PRSS57: variants seen among roughly 807,000 people sequenced by gnomAD.
PRSS57 encodes neutrophil serine protease 4.
A neutral mutation model predicts 20.6 loss-of-function variants in PRSS57; 19 were observed. The observed-to-expected ratio is 0.92, with a 90% confidence interval of 0.64 to 1.35. PRSS57 has a LOEUF of 1.35. Ranked by LOEUF, PRSS57 falls within the 40% of genes most tolerant of loss-of-function variation. The pLI, the probability that PRSS57 is intolerant of heterozygous loss-of-function variation, is 0.00. For missense variants in PRSS57, 440 were observed against 403.7 expected, an observed-to-expected ratio of 1.09 and a Z score of -0.77; for synonymous variants, 203 against 176.6, an observed-to-expected ratio of 1.15 and a Z score of -1.19.
Position 688,344 on chromosome 19 carries a change from C to CTT in PRSS57, c.379-1158_379-1157dup, listed in dbSNP as rs370305351. On this transcript the variant is annotated intron_variant, in intron 3 of 4. Coordinates refer to ENST00000329267, the MANE Select transcript of PRSS57 (RefSeq NM_001308209.2). The stretch of plus-strand genomic sequence containing the variant: ...TGGCTACTGGCACTTGCTCCTCCTC[C>CTT]TTTTTTTTTTGTTTTTTTCAGAGTC... Among the ~76,000 whole-genome samples the CTT allele has an allele frequency of 1.7e-3, 241 of 143,480 alleles. 5 individuals carry two copies. Among genetic ancestry groups the CTT allele is most frequent in the African/African-American group, 3.2e-3 (121 of 38,350 alleles). 94.1% of individuals were successfully genotyped at this position (143,480 alleles called of 152,430 possible).
At chr19:689,869 A>G (rs756181443) in intron 3 of PRSS57, among the ~76,000 whole-genome samples, 1 of 152,204 alleles carries the variant, frequency 6.6e-6, no homozygotes, top group Non-Finnish European at 1.5e-5. Context: ...CCTGGCCAAC[A>G]TGGTGAAATC....
intron 3 of PRSS57, among the ~76,000 whole-genome samples, chr19:689,081 A>G (rs1206331472): frequency 4.2e-5 from 6 of 142,312 alleles, no homozygotes; most frequent in Non-Finnish European, 9.2e-5. Flanking sequence ...TCCAGGGGTT[A>G]GCAGGTGACA....
At chr19:689,065 G>A (rs975465705) in intron 3 of PRSS57, among the ~76,000 whole-genome samples, 2 of 151,338 alleles carry the variant, frequency 1.3e-5, no homozygotes, top group Admixed American at 1.3e-4. Flanking sequence ...ATGAGGAAGC[G>A]GGTGGTCCAG....
chr19:694,809 C>A lies in PRSS57; in HGVS notation c.233+5G>T. ...AGAAAGAAGGGGCCCGACAGGTGAG[C>A]TCACCTGTGGCTGAAGCAGTGGGCG... On this transcript the variant is annotated splice_donor_5th_base_variant and intron_variant, in intron 2 of 4. Coordinates refer to ENST00000329267, the MANE Select transcript of PRSS57 (RefSeq NM_001308209.2). 1 of 1,604,920 alleles carries A rather than the reference C, an allele frequency of 6.2e-7. No individual in the cohort carries two copies. The highest frequency in any genetic ancestry group is 8.5e-7 in the Non-Finnish European group (1 of 1,176,526).
At chr19:686,862 AC>A (rs768848382) in intron 4 of PRSS57, 62 bp downstream of exon 4, 11 of 1,557,440 alleles carry the variant, frequency 7.1e-6, no homozygotes, top group Non-Finnish European at 8.7e-6. Context: ...CCTGGCCCTG[AC>A]CCTCTCTGTG....
rs759462336 is a variant in PRSS57 at position 694,959 on chromosome 19, C to T, written c.88G>A (p.Gly30Arg). The stretch of plus-strand genomic sequence containing the variant: ...TCGTGGCCCCCGATGATCTGGGCCC[C>T]CCAGGAGCCTGCTGGAGGGACGGCC... ...MLPVKPPGSWGAQIIGGHEVT... is the reference protein window; with the variant it reads ...MLPVKPPGSWRAQIIGGHEVT... Residue 30 changes from glycine to arginine, a missense_variant, in exon 2 of 5, where the codon GGG becomes AGG. Physicochemically the swap from Gly to Arg is moderately radical, Grantham distance 125. Transcript: ENST00000329267. 2.6e-6 allele frequency: 4 copies of T among 1,548,114 alleles called. No homozygotes were observed. Among genetic ancestry groups the T allele is most frequent in the Non-Finnish European group, 3.5e-6 (4 of 1,148,198 alleles).
At chr19:689,657 G>T (rs564576481) in intron 3 of PRSS57, among the ~76,000 whole-genome samples, 13 of 152,308 alleles carry the variant, frequency 8.5e-5, no homozygotes, top group African/African-American at 2.9e-4. Context: ...AGCAGCTCAG[G>T]TTTGTAATCC....
At chr19:690,817 G>C in intron 3 of PRSS57, 1 of 329,266 alleles carries the variant, frequency 3.0e-6, no homozygotes, top group South Asian at 3.0e-5. Flanking sequence ...GAGGCTACTG[G>C]GGGAACAAGA....
Position 685,841 on chromosome 19 carries a change from TG to T in PRSS57, c.723del (p.Lys242ArgfsTer94). ...ACCTGCGTGTACACGTCGGGGGTCT[TG>T]GGGTCGCCGCACCAGAGGCCCGAGA... is the stretch of plus-strand genomic sequence containing the variant. ...VSFSGLWCGD[P>X]KTPDVYTQVS... On this transcript the variant is annotated frameshift_variant, in exon 5 of 5. Coordinates refer to ENST00000329267, the MANE Select transcript of PRSS57 (RefSeq NM_001308209.2). LOFTEE classifies it low-confidence loss of function (END_TRUNC). 6.4e-7 allele frequency: 1 copy of T among 1,559,948 alleles called. No homozygotes were observed. Among genetic ancestry groups the T allele is most frequent in the Admixed American group, 1.9e-5 (1 of 52,528 alleles).
Position 695,379 on chromosome 19 carries a change from C to A in PRSS57, c.52G>T (p.Ala18Ser). 6 of 1,282,414 alleles carry A rather than the reference C, an allele frequency of 4.7e-6. No individual in the cohort carries two copies. The highest frequency in any genetic ancestry group is 5.9e-6 in the Non-Finnish European group (6 of 1,009,666). 79.4% of individuals were successfully genotyped at this position (1,282,414 alleles called of 1,614,324 possible). The change falls in exon 1 of 5, where the codon GCC becomes TCC. Residue 18 changes from alanine (A) to serine (S), a missense_variant. By Grantham distance (99) the Ala-to-Ser change is moderately conservative. Coordinates refer to ENST00000329267, the MANE Select transcript of PRSS57 (RefSeq NM_001308209.2). ...WGRPLLTVATALMLPVKPPGS... is the reference protein window; with the variant it reads ...WGRPLLTVATSLMLPVKPPGS... ...GGGGGCTTCACGGGCAGCATCAGGGCGGTGGCCACAGTCAGCAGAGGACGT... is the reference window on the plus strand; with the variant it reads ...GGGGGCTTCACGGGCAGCATCAGGGAGGTGGCCACAGTCAGCAGAGGACGT...
intron 3 of PRSS57, among the ~76,000 whole-genome samples, chr19:690,162 T>G (rs2031600835): frequency 6.6e-6 from 1 of 151,262 alleles, no homozygotes; most frequent in East Asian, 1.9e-4. Context: ...AATACAAAAA[T>G]TAGCCGGGCG....
At chr19:691,674 A>G (rs1242955443) in intron 3 of PRSS57, among the ~76,000 whole-genome samples, 184 bp downstream of exon 3, 1 of 148,952 alleles carries the variant, frequency 6.7e-6, no homozygotes, top group Non-Finnish European at 1.5e-5. Flanking sequence ...CAAAAATTAG[A>G]TGGGCTTGGT....
At chr19:695,194 G>C (rs1370998748) in intron 1 of PRSS57, among the ~76,000 whole-genome samples, 158 bp downstream of exon 1, 4 of 152,254 alleles carry the variant, frequency 2.6e-5, no homozygotes, top group African/African-American at 9.6e-5. Context: ...ACCCCGGCCG[G>C]ATTTCCATCC....
intron 3 of PRSS57, chr19:690,672 C>T (rs1035233028): frequency 8.4e-5 from 24 of 286,100 alleles, no homozygotes; most frequent in Admixed American, 2.7e-4. Flanking sequence ...GGCCAGCGCA[C>T]CAGGTTCGAG....
In PRSS57 at chr19:687,056, G is replaced by A; in HGVS notation, c.511C>T (p.Pro171Ser). The change falls in exon 4 of 5, where the codon CCG (proline) becomes TCG (serine). Residue 171 changes from proline (P) to serine (S), a missense_variant. Physicochemically the swap from Pro to Ser is moderately conservative, Grantham distance 74. Coordinates refer to ENST00000329267, the MANE Select transcript of PRSS57 (RefSeq NM_001308209.2). ...WGFVSDFEEL[P>S]PGLMEAKVRV... ...ACCTTGGCCTCCATCAGTCCAGGCGGCAGCTCCTCAAAGTCAGACACGAAG... is the reference window on the plus strand; with the variant it reads ...ACCTTGGCCTCCATCAGTCCAGGCGACAGCTCCTCAAAGTCAGACACGAAG... 6.2e-7 allele frequency: 1 copy of A among 1,614,010 alleles called. No homozygotes were observed. The highest frequency in any genetic ancestry group is 2.2e-5 in the East Asian group (1 of 44,874).
At chr19:689,972 G>C (rs960927945) in intron 3 of PRSS57, among the ~76,000 whole-genome samples, 1 of 151,786 alleles carries the variant, frequency 6.6e-6, no homozygotes, top group African/African-American at 2.4e-5. Flanking sequence ...AGAATCGCTT[G>C]AACCCGGGAG....
chr19:689,341 C>T (rs924218436), intron 3 of PRSS57, among the ~76,000 whole-genome samples: 1 of 150,810 alleles, frequency 6.6e-6, no homozygotes, highest in African/African-American at 2.5e-5. Flanking sequence ...GGGCGGCCTC[C>T]TGGGAAGGTA....
intron 2 of PRSS57, among the ~76,000 whole-genome samples, chr19:693,620 G>A (rs2031711894): frequency 6.6e-6 from 1 of 152,018 alleles, no homozygotes; most frequent in East Asian, 1.9e-4. Context: ...CTAGGCTGGA[G>A]TGCAGTGGTG....
At chr19:688,602 C>CTTTTTTTTTTTTTTTTTT (rs11451021) in intron 3 of PRSS57, among the ~76,000 whole-genome samples, 4 of 110,208 alleles carry the variant, frequency 3.6e-5, no homozygotes, top group Non-Finnish European at 5.4e-5. Context: ...CACCCAGGGA[C>CTTTTTTTTTTTTTTTTTT]TTTTTTTTTT....
Sources: gnomAD v4.1 joint callset for allele counts (sites outside exome capture counted in the v4.1 genomes callset) on GRCh38, gnomAD v4.1.1 for gene constraint, MANE v1.5 for transcripts, NCBI Gene and HGNC (gene_info 2026-07-23, HGNC 2026-07-21) for gene names.